Variants in DKK3 observed in about 807,000 individuals in gnomAD.
DKK3 encodes dickkopf Wnt signaling pathway inhibitor 3, also known as dickkopf-related protein 3.
DKK3 carries 22 observed loss-of-function variants against 33.2 expected under a neutral mutation model. That is an observed-to-expected ratio of 0.66 (90% CI 0.47 to 0.95). The LOEUF is 0.95. DKK3 is among the 40% of genes least tolerant of loss of function. The pLI is 0.00. For synonymous variants in DKK3, 194 were observed against 188.8 expected, an observed-to-expected ratio of 1.03 and a Z score of -0.23; for missense variants, 398 against 458.4, an observed-to-expected ratio of 0.87 and a Z score of 1.20.
intron 3 of DKK3, among the ~76,000 whole-genome samples, chr11:11,970,442 T>G (rs1847700005): frequency 6.6e-6 from 1 of 152,142 alleles, no homozygotes; most frequent in South Asian, 2.1e-4. Context: ...TTTTTTCACT[T>G]AGAATGGAAG....
intron 1 of DKK3, among the ~76,000 whole-genome samples, chr11:12,007,478 C>A (rs1263222998): frequency 2.6e-5 from 4 of 152,172 alleles, no homozygotes; most frequent in Non-Finnish European, 5.9e-5. Flanking sequence ...ATCTCCTGCC[C>A]AGGTAGCCCT....
intron 4 of DKK3, among the ~76,000 whole-genome samples, chr11:11,967,426 T>C (rs1216766239): frequency 6.6e-6 from 1 of 152,184 alleles, no homozygotes; most frequent in Non-Finnish European, 1.5e-5. Context: ...GGTCCCTAGG[T>C]CCAGGCCCAA....
chr11:11,978,185 T>C (rs1847876073), intron 3 of DKK3, among the ~76,000 whole-genome samples: 1 of 152,118 alleles, frequency 6.6e-6, no homozygotes, highest in African/African-American at 2.4e-5. Context: ...CAGGAGAAGG[T>C]TGAGAAGGAA....
At position 11,967,124 on chromosome 11, in the gene DKK3, A is replaced by C. The variant is rs202178861; in HGVS notation, c.529-26T>G. ...CTGCAGACAGGTGGAAAGAGCCTAG[A>C]GCCAGCGGCTTAGGGACTGGGGGCC... On this transcript the variant is annotated intron_variant, in intron 4 of 6. Coordinates refer to ENST00000683431, the MANE Select transcript of DKK3 (RefSeq NM_001018057.2). 89 of 1,609,726 alleles carry C rather than the reference A, an allele frequency of 5.5e-5. No individual in the cohort carries two copies. The East Asian group carries it at 1.4e-3, about 25-fold the overall frequency.
chr11:12,003,148 T>C (rs922044670), intron 1 of DKK3, among the ~76,000 whole-genome samples: 24 of 152,240 alleles, frequency 1.6e-4, no homozygotes, highest in African/African-American at 5.8e-4. Context: ...CACTTCCTGC[T>C]AGTGTTTTCT....
intron 2 of DKK3, among the ~76,000 whole-genome samples, chr11:12,001,357 T>C (rs904733293): frequency 2.0e-5 from 3 of 152,208 alleles, no homozygotes; most frequent in African/African-American, 4.8e-5. Flanking sequence ...AGCTACTTTA[T>C]AGTCAAGGCA....
intron 1 of DKK3, 36 bp from the exon 2 acceptor site, chr11:12,002,473 T>C (rs1394062822): frequency 1.3e-6 from 2 of 1,596,410 alleles, no homozygotes; most frequent in Non-Finnish European, 1.7e-6. Flanking sequence ...CAAAATTATT[T>C]TCTCTTGTTA....
chr11:11,999,520 G>T (rs145267295), intron 2 of DKK3, among the ~76,000 whole-genome samples: 168 of 152,356 alleles, frequency 1.1e-3, no homozygotes, highest in African/African-American at 3.9e-3. Context: ...AGCTACTCGG[G>T]AGGCTGAGGC....
intron 3 of DKK3, among the ~76,000 whole-genome samples, chr11:11,991,142 G>A (rs1265203189): frequency 6.6e-6 from 1 of 152,220 alleles, no homozygotes; most frequent in Non-Finnish European, 1.5e-5. Context: ...CTCAAGCTCA[G>A]AGAACCCAAA....
In DKK3 at chr11:12,008,062, T is replaced by C. The variant is rs551002161; in HGVS notation, c.213+308A>G. Among the ~76,000 whole-genome samples the C allele has an allele frequency of 1.3e-5, 2 of 151,822 alleles. No homozygotes were observed. The highest frequency in any genetic ancestry group is 2.4e-5 in the African/African-American group (1 of 41,412). On this transcript the variant is annotated intron_variant, in intron 1 of 6. Coordinates refer to ENST00000683431, the MANE Select transcript of DKK3 (RefSeq NM_001018057.2). The surrounding 1 kb of genome is among the most constrained non-coding windows in gnomAD (Gnocchi z 4.6). ...GGGCCCTGCAAACCTCTGCTGACAA[T>C]AGGGAAGGCCAACGGCATGCCTGAC... is the stretch of plus-strand genomic sequence containing the variant.
intron 3 of DKK3, among the ~76,000 whole-genome samples, chr11:11,976,094 G>A (rs1375314578): frequency 6.6e-6 from 1 of 152,178 alleles, no homozygotes; most frequent in Non-Finnish European, 1.5e-5. Flanking sequence ...GAGCTCAAAG[G>A]ATGGCCTCTC....
intron 3 of DKK3, among the ~76,000 whole-genome samples, chr11:11,995,349 T>C (rs1388278384): frequency 6.6e-6 from 1 of 152,152 alleles, no homozygotes; most frequent in African/African-American, 2.4e-5. Flanking sequence ...CCCTCCAAAG[T>C]GCTGGGACTA....
chr11:11,998,348 C>T (rs1434484598), intron 3 of DKK3: 1 of 373,488 alleles, frequency 2.7e-6, no homozygotes, highest in Non-Finnish European at 4.9e-6. Flanking sequence ...GTAGCCATCC[C>T]AGAGGCTCTG....
At chr11:11,977,590 C>A (rs574881332) in intron 3 of DKK3, among the ~76,000 whole-genome samples, 1 of 152,210 alleles carries the variant, frequency 6.6e-6, no homozygotes, top group Non-Finnish European at 1.5e-5. Context: ...CCCACTCCCC[C>A]CAACACTTCT....
In DKK3 at chr11:12,008,276, G is replaced by A. The variant is rs1029872449; in HGVS notation, c.213+94C>T. On this transcript the variant is annotated intron_variant, in intron 1 of 6. Coordinates refer to ENST00000683431, the MANE Select transcript of DKK3 (RefSeq NM_001018057.2). The surrounding 1 kb of genome is among the most constrained non-coding windows in gnomAD (Gnocchi z 4.6). ...CCTTCCCAGGCCCTGCGCGGGACCC[G>A]AGGTCCCTGGCCAGCGCTCTTCCAT... 11 of 1,443,482 alleles carry A rather than the reference G, an allele frequency of 7.6e-6. No individual in the cohort carries two copies. Among genetic ancestry groups the A allele is most frequent in the Middle Eastern group, 4.8e-4 (2 of 4,200 alleles). The allele number at this position is 1,443,482 out of a possible 1,614,324, so 89.4% of individuals were successfully genotyped here.
intron 3 of DKK3, among the ~76,000 whole-genome samples, chr11:11,987,417 C>A (rs1314689529): frequency 1.3e-5 from 2 of 152,190 alleles, no homozygotes; most frequent in East Asian, 3.8e-4. Flanking sequence ...AAAACTACAT[C>A]CCTCCCATCT....
At position 12,008,266 on chromosome 11, in the gene DKK3, C is replaced by T. The variant is rs990100783; in HGVS notation, c.213+104G>A. On this transcript the variant is annotated intron_variant, in intron 1 of 6. Coordinates refer to ENST00000683431, the MANE Select transcript of DKK3 (RefSeq NM_001018057.2). The surrounding 1 kb of genome is among the most constrained non-coding windows in gnomAD (Gnocchi z 4.6). ...TGCTGTCGGCCCTTCCCAGGCCCTG[C>T]GCGGGACCCGAGGTCCCTGGCCAGC... The T allele has an allele frequency of 1.2e-4, 169 of 1,419,656 alleles. No individual in the cohort carries two copies. The highest frequency in any genetic ancestry group is 2.4e-4 in the Middle Eastern group (1 of 4,092). 87.9% of individuals were successfully genotyped at this position (1,419,656 alleles called of 1,614,324 possible).
At chr11:11,983,486 C>T (rs970650280) in intron 3 of DKK3, among the ~76,000 whole-genome samples, 1 of 152,226 alleles carries the variant, frequency 6.6e-6, no homozygotes, top group African/African-American at 2.4e-5. Context: ...GTTCCAGGGG[C>T]TGTGACCTGT....
rs148703459 is a variant in DKK3, at chr11:11,973,890, G to A, written c.436-5403C>T. Among the ~76,000 whole-genome samples the A allele has an allele frequency of 1.1e-4, 16 of 152,356 alleles. No individual in the cohort carries two copies. The East Asian group carries it at 3.1e-3, about 29-fold the overall frequency. On this transcript the variant is annotated intron_variant, in intron 3 of 6. Coordinates refer to ENST00000683431, the MANE Select transcript of DKK3 (RefSeq NM_001018057.2). Reference sequence around the variant, plus strand: ...AGAGGACAACAATGAGTCCCTGGAGGCTTTCCCAGAGTCTGTGTGGGGCCC... The same window carrying A: ...AGAGGACAACAATGAGTCCCTGGAGACTTTCCCAGAGTCTGTGTGGGGCCC...
Sources: gnomAD v4.1 joint callset for allele counts (sites outside exome capture counted in the v4.1 genomes callset) on GRCh38, gnomAD v4.1.1 for gene constraint, Gnocchi (gnomAD v3.1) non-coding constraint, MANE v1.5 for transcripts, NCBI Gene and HGNC (gene_info 2026-07-23, HGNC 2026-07-21) for gene names.